ZFYVE21: variants seen among roughly 807,000 people sequenced by gnomAD.
ZFYVE21 encodes zinc finger FYVE domain-containing protein 21.
Under a neutral mutation model 29.5 loss-of-function variants are expected in ZFYVE21, and 21 were observed. The ratio of observed to expected loss-of-function variants is 0.71; its 90% CI spans 0.50 to 1.02. ZFYVE21 has a LOEUF of 1.02. ZFYVE21 is among the 50% of genes least tolerant of loss of function. The pLI, the probability that ZFYVE21 is intolerant of heterozygous loss-of-function variation, is 0.00. For missense variants in ZFYVE21, 326 were observed against 335.4 expected (o/e 0.97, Z 0.22); for synonymous variants, 151 against 133.8 (o/e 1.13, Z -0.89).
chr14:103,731,896 T>C (rs563328151), intron 5 of ZFYVE21: 2 of 152,328 alleles, frequency 1.3e-5, no homozygotes, highest in African/African-American at 4.8e-5. Flanking sequence ...AGAGCTGCTC[T>C]CTTCAGCAGT....
intron 1 of ZFYVE21, among the ~76,000 whole-genome samples, chr14:103,722,351 C>CTTTTTTT (rs34926725): frequency 6.5e-5 from 7 of 108,368 alleles, no homozygotes; most frequent in East Asian, 5.6e-4. Context: ...TGGTCTGTCT[C>CTTTTTTT]TTTTTTTTTT....
In ZFYVE21 at chr14:103,727,925, G is replaced by T. The variant is rs772043618; in HGVS notation, c.358+11G>T. ...AAGTGCTCCTGAGCGGTAAGGACGG[G>T]TGTCCTGCACAGTCCCGCGCGCTCC... On this transcript the variant is annotated intron_variant, in intron 3 of 6. Coordinates refer to ENST00000311141, the MANE Select transcript of ZFYVE21 (RefSeq NM_024071.4). 9 of 1,608,732 alleles carry T rather than the reference G, an allele frequency of 5.6e-6. No individual in the cohort carries two copies. The highest frequency in any genetic ancestry group is 7.6e-6 in the Non-Finnish European group (9 of 1,177,010).
rs755752635 is a variant in ZFYVE21, at chr14:103,732,605, GTC to G, written c.527-8_527-7del. On this transcript the variant is annotated splice_polypyrimidine_tract_variant and intron_variant, in intron 5 of 6. Coordinates refer to ENST00000311141, the MANE Select transcript of ZFYVE21 (RefSeq NM_024071.4). ...GGCCTCCTTTGGGCCGTCTTACCTC[GTC>G]TCTCTCCTCCAGGAGGCAACGCACG... 24 of 1,553,144 alleles carry G rather than the reference GTC, an allele frequency of 1.5e-5. No individual in the cohort carries two copies. The highest frequency in any genetic ancestry group is 5.5e-5 in the African/African-American group (4 of 72,262).
At chr14:103,729,759 T>G (rs1206479405) in intron 5 of ZFYVE21, 1 of 1,536,290 alleles carries the variant, frequency 6.5e-7, no homozygotes, top group Non-Finnish European at 8.7e-7. Flanking sequence ...TGGTTGCTCC[T>G]TCTCGCCACT....
chr14:103,722,110 G>A (rs563272771), intron 1 of ZFYVE21, among the ~76,000 whole-genome samples: 31 of 152,334 alleles, frequency 2.0e-4, no homozygotes, highest in Admixed American at 1.7e-3. Flanking sequence ...CTTCCTTTGC[G>A]GGGCGTGCTT....
At chr14:103,722,253 T>C (rs1240203819) in intron 1 of ZFYVE21, among the ~76,000 whole-genome samples, 1 of 152,136 alleles carries the variant, frequency 6.6e-6, no homozygotes, top group Non-Finnish European at 1.5e-5. Context: ...TTACCTTATT[T>C]AAAAGCCTAT....
In ZFYVE21 at chr14:103,716,418, C is replaced by T. The variant is rs1454850371; in HGVS notation, c.138+439C>T. ...GCTCGGTGGGGAGGGCGCGTGCTGT[C>T]CGCGGAAGCGCTGGAGCTGGCGGCC... On this transcript the variant is annotated intron_variant, in intron 1 of 6. Coordinates refer to ENST00000311141, the MANE Select transcript of ZFYVE21 (RefSeq NM_024071.4). This position sits in a 1 kb window ranked among gnomAD's most constrained non-coding sequence, Gnocchi z 4.8. Among the ~76,000 whole-genome samples, 1 of 152,094 alleles carries T rather than the reference C, an allele frequency of 6.6e-6. No individual in the cohort carries two copies. The highest frequency in any genetic ancestry group is 1.5e-5 in the Non-Finnish European group (1 of 67,996).
intron 5 of ZFYVE21, chr14:103,731,770 G>A (rs1291223603): frequency 6.6e-6 from 1 of 152,312 alleles, no homozygotes; most frequent in Non-Finnish European, 1.5e-5. Context: ...ATGTGTGTCT[G>A]ATGGAGGGGT....
Position 103,716,092 on chromosome 14 carries a change from C to T in ZFYVE21, c.138+113C>T, listed in dbSNP as rs1804990377. 2 of 1,017,742 alleles carry T rather than the reference C, an allele frequency of 2.0e-6. No individual in the cohort carries two copies. The highest frequency in any genetic ancestry group is 1.7e-5 in the African/African-American group (1 of 58,324). The allele number at this position is 1,017,742 out of a possible 1,614,324, so 63.0% of individuals were successfully genotyped here. On this transcript the variant is annotated intron_variant, in intron 1 of 6. Coordinates refer to ENST00000311141, the MANE Select transcript of ZFYVE21 (RefSeq NM_024071.4). This position sits in a 1 kb window ranked among gnomAD's most constrained non-coding sequence, Gnocchi z 4.8. ...CCTCCGCCTCCGGGCGGCCCCTTCC[C>T]CAGCCGGCCCCCGCCCCCGCTCTCT...
At chr14:103,721,662 C>T (rs973114932) in intron 1 of ZFYVE21, among the ~76,000 whole-genome samples, 2 of 152,244 alleles carry the variant, frequency 1.3e-5, no homozygotes, top group African/African-American at 4.8e-5. Context: ...TTATTAGGGG[C>T]ACTGCCCAAG....
intron 3 of ZFYVE21, among the ~76,000 whole-genome samples, chr14:103,728,589 G>C (rs567321842): frequency 6.6e-6 from 1 of 152,292 alleles, no homozygotes; most frequent in South Asian, 2.1e-4. Flanking sequence ...TAGGACGTGT[G>C]AGCAGAGTGG....
Position 103,723,969 on chromosome 14 carries a change from G to A in ZFYVE21, c.139-2823G>A, listed in dbSNP as rs999923631. 9.8e-5 allele frequency among the ~76,000 whole-genome samples: 15 copies of A among 152,326 alleles called. No homozygotes were observed. In the South Asian group the frequency reaches 2.1e-3, roughly 21 times the overall value. ...TGAGGGTGGCGGCTGTGATGGCACC[G>A]CATCAGAGCAGCTCCTCCACACCAG... On this transcript the variant is annotated intron_variant, in intron 1 of 6. Transcript: ENST00000311141.
At chr14:103,730,037 C>A in intron 5 of ZFYVE21, 2 of 636,578 alleles carry the variant, frequency 3.1e-6, no homozygotes, top group Non-Finnish European at 5.3e-6. Context: ...GAAGATACCG[C>A]AGCAGATGTA....
chr14:103,727,546 C>T, intron 2 of ZFYVE21, 200 bp from the exon 3 acceptor site: 1 of 722,746 alleles, frequency 1.4e-6, no homozygotes, highest in Non-Finnish European at 2.5e-6. Flanking sequence ...GAAAAAAGGG[C>T]CTCATTTCCC....
At chr14:103,728,199 G>C (rs1236766328) in intron 3 of ZFYVE21, 2 of 345,370 alleles carry the variant, frequency 5.8e-6, no homozygotes, top group African/African-American at 4.3e-5. Context: ...CTTCCCCCGG[G>C]TGGAACCCGG....
Position 103,729,654 on chromosome 14 carries a change from T to C in ZFYVE21, c.526+472T>C, listed in dbSNP as rs908407356. The stretch of plus-strand genomic sequence containing the variant: ...CCTGGGCCTCTCCACTAAACTCTGC[T>C]GACGGGGAGCTCGCATCCCGTTATC... On this transcript the variant is annotated intron_variant, in intron 5 of 6. Coordinates refer to ENST00000311141, the MANE Select transcript of ZFYVE21 (RefSeq NM_024071.4). 20 of 1,101,530 alleles carry C rather than the reference T, an allele frequency of 1.8e-5. No homozygotes were observed. In the African/African-American group the frequency reaches 2.2e-4, roughly 12 times the overall value. 68.2% of individuals were successfully genotyped at this position (1,101,530 alleles called of 1,614,324 possible).
intron 1 of ZFYVE21, chr14:103,726,028 A>G (rs149778736): frequency 6.6e-6 from 1 of 152,392 alleles, no homozygotes; most frequent in East Asian, 1.9e-4. Context: ...CTCTTGGCCA[A>G]CAAAGTCCAG....
intron 1 of ZFYVE21, among the ~76,000 whole-genome samples, chr14:103,718,064 T>C (rs1011510652): frequency 6.6e-6 from 1 of 152,154 alleles, no homozygotes; most frequent in Non-Finnish European, 1.5e-5. Flanking sequence ...TTGGGGCCGC[T>C]AAGGTGATTG....
rs1159931565 is a variant in ZFYVE21, at chr14:103,733,503, A to G, written c.*485A>G. The G allele has an allele frequency of 2.6e-5, 4 of 155,352 alleles. No homozygotes were observed. Among genetic ancestry groups the G allele is most frequent in the Non-Finnish European group, 5.7e-5 (4 of 69,888 alleles). The allele number at this position is 155,352 out of a possible 1,614,324, so 9.6% of individuals were successfully genotyped here. ...CACAGACTTGTCCACTTACCTTGTC[A>G]CTAATTTGGGGCTTCTGGGCTGTGA... On this transcript the variant is annotated 3_prime_UTR_variant, in exon 7 of 7. Coordinates refer to ENST00000311141, the MANE Select transcript of ZFYVE21 (RefSeq NM_024071.4).
Sources: gnomAD v4.1 joint callset for allele counts (sites outside exome capture counted in the v4.1 genomes callset) on GRCh38, gnomAD v4.1.1 for gene constraint, Gnocchi (gnomAD v3.1) non-coding constraint, MANE v1.5 for transcripts, NCBI Gene and HGNC (gene_info 2026-07-23, HGNC 2026-07-21) for gene names.